The following KL variants were observed in gnomAD, a reference collection of about 807,000 sequenced individuals.
KL encodes alpha-klotho.
In KL, 62 loss-of-function variants were observed where a neutral mutation model predicts 84.2. The observed-to-expected ratio is 0.74, with a 90% CI of 0.60 to 0.91. The LOEUF (loss-of-function observed/expected upper bound fraction) is 0.91, where lower values mean the gene tolerates loss of function less well. KL is among the 40% of genes least tolerant of loss of function. KL has a pLI of 0.00. For synonymous variants in KL, 528 were observed against 528.0 expected (o/e 1.00, Z 0.00); for missense variants, 1,261 against 1,305.7 (o/e 0.97, Z 0.53).
At chr13:33,018,772 A>G (rs1403512673) in intron 1 of KL, among the ~76,000 whole-genome samples, 1 of 152,210 alleles carries the variant, frequency 6.6e-6, no homozygotes, top group Non-Finnish European at 1.5e-5. Flanking sequence ...GATCTAATAG[A>G]TCATGCCCAT....
rs1872331863 is a variant in KL, at chr13:33,064,449, A to G, written c.*263A>G. 1 of 360,792 alleles carries G rather than the reference A, an allele frequency of 2.8e-6. No individual in the cohort carries two copies. Among genetic ancestry groups the G allele is most frequent in the Non-Finnish European group, 5.1e-6 (1 of 197,590 alleles). 22.3% of individuals were successfully genotyped at this position (360,792 alleles called of 1,614,324 possible). A position where few individuals can be genotyped will look rare whatever the true frequency, so the allele number is the denominator to read the frequency against. ...CTATAATTTCTGTAACACACTAACA[A>G]AAGCATGAAAAATAGGAACCACACC... is the stretch of plus-strand genomic sequence containing the variant. On this transcript the variant is annotated 3_prime_UTR_variant, in exon 5 of 5. Transcript: ENST00000380099.
chr13:33,016,347 G>T, upstream of KL: 1 of 152,142 alleles, frequency 6.6e-6, no homozygotes, highest in South Asian at 1.8e-4. Flanking sequence ...CCGGGGAGCG[G>T]GGGTGGGCGC....
chr13:33,036,869 A>G (rs950550232), intron 1 of KL, among the ~76,000 whole-genome samples: 1 of 152,224 alleles, frequency 6.6e-6, no homozygotes, highest in Non-Finnish European at 1.5e-5. Flanking sequence ...TAAACCTATT[A>G]TTGATCTTAT....
intron 1 of KL, among the ~76,000 whole-genome samples, chr13:33,031,618 C>T (rs111665439): frequency 2.1e-3 from 315 of 152,058 alleles, no homozygotes; most frequent in Non-Finnish European, 3.6e-3. Flanking sequence ...ACAGACATTT[C>T]GGAAAATAAG....
chr13:33,058,686 C>A (rs1158256435), intron 3 of KL, among the ~76,000 whole-genome samples: 1 of 151,868 alleles, frequency 6.6e-6, no homozygotes, highest in Non-Finnish European at 1.5e-5. Context: ...GAAATGATAC[C>A]CTAGTCTTTC....
Position 33,060,986 on chromosome 13 carries a change from C to T in KL, c.1907C>T (p.Ala636Val). ...LVRVNITPVV[A>V]LWQPMAPNQG... ...CGTGTCAACATCACCCCAGTGGTGG[C>T]CCTGTGGCAGCCTATGGCCCCGAAC... The change falls in exon 4 of 5, where the codon GCC becomes GTC. Residue 636 changes from alanine to valine, a missense_variant. By Grantham distance (64) the Ala-to-Val change is moderately conservative (BLOSUM62 0). Transcript: ENST00000380099. 1 of 1,612,686 alleles carries T rather than the reference C, an allele frequency of 6.2e-7. No individual in the cohort carries two copies.
chr13:33,043,228 CT>C (rs56697823), intron 1 of KL, among the ~76,000 whole-genome samples: 305 of 144,576 alleles, frequency 2.1e-3, no homozygotes, highest in Middle Eastern at 3.6e-3. Context: ...TGTTGGTAGT[CT>C]TTTTTTTTTT....
At chr13:33,060,658 T>C (rs781630713) in intron 3 of KL, 21 bp from the exon 4 acceptor site, 1 of 1,614,198 alleles carries the variant, frequency 6.2e-7, no homozygotes, top group Non-Finnish European at 8.5e-7. Flanking sequence ...GTGACGCTAA[T>C]GTTTACTCTG....
At chr13:33,036,367 TACC>T (rs1413905184) in intron 1 of KL, among the ~76,000 whole-genome samples, 1 of 150,574 alleles carries the variant, frequency 6.6e-6, no homozygotes, top group Admixed American at 6.6e-5. Flanking sequence ...CACATACACA[TACC>T]ACATACATAC....
chr13:33,028,156 G>A (rs1870845217), intron 1 of KL, among the ~76,000 whole-genome samples: 1 of 152,168 alleles, frequency 6.6e-6, no homozygotes, highest in Admixed American at 6.5e-5. Flanking sequence ...TAGTCATCTG[G>A]GAGTAGCCGA....
chr13:33,064,175 A>T lies in KL; in HGVS notation c.3028A>T (p.Ser1010Cys), dbSNP rs1456143607. The T allele has an allele frequency of 6.3e-7, 1 of 1,596,686 alleles. No individual in the cohort carries two copies. The change falls in exon 5 of 5, where the codon AGT (serine) becomes TGT (cysteine). Residue 1010 changes from serine to cysteine, a missense_variant. Coordinates refer to ENST00000380099, the MANE Select transcript of KL (RefSeq NM_004795.4). The part of the protein sequence containing the change: ...IFYYSKKGRR[S>C]YK ...TTACTACTCGAAGAAAGGCAGAAGA[A>T]GTTACAAATAGTTCTGAACATTTTT...
chr13:33,058,865 T>C (rs1277187965), intron 3 of KL, among the ~76,000 whole-genome samples: 2 of 152,080 alleles, frequency 1.3e-5, no homozygotes, highest in African/African-American at 4.8e-5. Flanking sequence ...CCTTCAAAGC[T>C]AAGGAAACAT....
chr13:33,030,005 T>C (rs1249611787), intron 1 of KL, among the ~76,000 whole-genome samples: 1 of 151,982 alleles, frequency 6.6e-6, no homozygotes, highest in Non-Finnish European at 1.5e-5. Context: ...GGCAAGTCTC[T>C]GGCATCTGGT....
chr13:33,054,948 C>A, intron 2 of KL, 99 bp from the exon 3 acceptor site: 1 of 1,476,960 alleles, frequency 6.8e-7, no homozygotes, highest in Non-Finnish European at 9.4e-7. Context: ...AAGCATTACA[C>A]TTTATTTATT....
At chr13:33,044,713 T>A (rs1871465858) in intron 1 of KL, among the ~76,000 whole-genome samples, 1 of 127,532 alleles carries the variant, frequency 7.8e-6, no homozygotes, top group South Asian at 2.7e-4. Context: ...TGCAGTGGCG[T>A]GATCAGCACT....
chr13:33,042,065 T>C (rs1871357937), intron 1 of KL, among the ~76,000 whole-genome samples: 1 of 152,168 alleles, frequency 6.6e-6, no homozygotes, highest in Non-Finnish European at 1.5e-5. Context: ...AAGCTAAATA[T>C]ATATATTTTT....
chr13:33,038,897 T>G (rs987471312), intron 1 of KL, among the ~76,000 whole-genome samples: 1 of 152,170 alleles, frequency 6.6e-6, no homozygotes, highest in Non-Finnish European at 1.5e-5. Flanking sequence ...AATTGAAAAT[T>G]CCAGTTTTAA....
In KL at chr13:33,055,308, A is replaced by G. The variant is rs752846304; in HGVS notation, c.1592A>G (p.Tyr531Cys). The change falls in exon 3 of 5, where the codon TAC (tyrosine) becomes TGC (cysteine). Residue 531 changes from tyrosine (Y) to cysteine (C), a missense_variant. By Grantham distance (194) the Tyr-to-Cys change is radical. Coordinates refer to ENST00000380099, the MANE Select transcript of KL (RefSeq NM_004795.4). ...CDFAWGVVDNYIQVDTTLSQF... is the reference protein window; with the variant it reads ...CDFAWGVVDNCIQVDTTLSQF... Reference sequence around the variant, plus strand: ...TTTGCTTGGGGAGTTGTTGACAACTACATTCAAGTAAGTCAGCTGACAAAA... The same window carrying G: ...TTTGCTTGGGGAGTTGTTGACAACTGCATTCAAGTAAGTCAGCTGACAAAA... 4 of 1,614,102 alleles carry G rather than the reference A, an allele frequency of 2.5e-6. No individual in the cohort carries two copies. The highest frequency in any genetic ancestry group is 1.3e-5 in the African/African-American group (1 of 74,942).
intron 1 of KL, among the ~76,000 whole-genome samples, chr13:33,032,842 A>G (rs1010353945): frequency 6.6e-6 from 1 of 152,074 alleles, no homozygotes; most frequent in Non-Finnish European, 1.5e-5. Flanking sequence ...TCTCTCCAGG[A>G]TCTACATCTT....
Sources: allele counts gnomAD v4.1 joint callset (sites outside exome capture counted in the v4.1 genomes callset), GRCh38; gene constraint gnomAD v4.1.1; transcripts MANE v1.5; gene names NCBI Gene and HGNC (gene_info 2026-07-23, HGNC 2026-07-21).